SLC4A7: variants seen among roughly 807,000 people sequenced by gnomAD.
SLC4A7 encodes solute carrier family 4 member 7.
In SLC4A7, 51 loss-of-function variants were observed where a neutral mutation model predicts 137.6. That is an observed-to-expected ratio of 0.37 (90% CI 0.30 to 0.47). SLC4A7 has a LOEUF of 0.47. Among genes scored for constraint, SLC4A7 ranks in the 20% least tolerant of loss-of-function variants. The probability of loss-of-function intolerance (pLI) is 1.00; values close to 1 mark genes in which losing one functional copy is unlikely to be tolerated. For synonymous variants in SLC4A7, 542 were observed against 518.6 expected (o/e 1.05, Z -0.61); for missense variants, 1,247 against 1,525.4 (o/e 0.82, Z 3.04).
intron 1 of SLC4A7, among the ~76,000 whole-genome samples, chr3:27,459,965 TGTTA>T (rs2058602178): frequency 8.2e-6 from 1 of 121,404 alleles, no homozygotes; most frequent in African/African-American, 3.2e-5. Context: ...CACATCTCAG[TGTTA>T]TTTATATATA....
At chr3:27,473,037 G>A (rs549458664) in intron 1 of SLC4A7, among the ~76,000 whole-genome samples, 3 of 150,690 alleles carry the variant, frequency 2.0e-5, no homozygotes, top group Non-Finnish European at 2.9e-5. Flanking sequence ...TCCAGATCAC[G>A]CCACTGTACT....
chr3:27,375,707 C>A lies in SLC4A7; in HGVS notation c.*1057G>T, dbSNP rs2049856783. On this transcript the variant is annotated 3_prime_UTR_variant, in exon 26 of 26. Transcript: ENST00000454389. ...TTTATATAATATTTAAGCATCATATCAAAATAAATATTTTAAAATAAAATC... is the reference window on the plus strand; with the variant it reads ...TTTATATAATATTTAAGCATCATATAAAAATAAATATTTTAAAATAAAATC... The A allele has an allele frequency of 6.6e-6, 1 of 152,202 alleles. No individual in the cohort carries two copies. Among genetic ancestry groups the A allele is most frequent in the South Asian group, 2.1e-4 (1 of 4,828 alleles). 9.4% of individuals were successfully genotyped at this position (152,202 alleles called of 1,614,324 possible).
chr3:27,430,425 C>A (rs190643868), intron 7 of SLC4A7, among the ~76,000 whole-genome samples: 3 of 151,990 alleles, frequency 2.0e-5, no homozygotes, highest in Non-Finnish European at 4.4e-5. Flanking sequence ...GAGTTCAAGA[C>A]CAGCCTGGGC....
intron 2 of SLC4A7, among the ~76,000 whole-genome samples, chr3:27,450,986 T>C (rs1176905676): frequency 1.3e-5 from 2 of 152,094 alleles, no homozygotes; most frequent in Non-Finnish European, 2.9e-5. Context: ...ACATTAAATG[T>C]ATGACTGTAC....
At chr3:27,435,155 G>A (rs371472995) in intron 5 of SLC4A7, among the ~76,000 whole-genome samples, 1 of 152,162 alleles carries the variant, frequency 6.6e-6, no homozygotes, top group Non-Finnish European at 1.5e-5. Context: ...TGGTTCTCTT[G>A]AAGATTAAAT....
At chr3:27,383,458 T>C (rs2050634187) in intron 23 of SLC4A7, among the ~76,000 whole-genome samples, 1 of 148,994 alleles carries the variant, frequency 6.7e-6, no homozygotes, top group Non-Finnish European at 1.5e-5. Flanking sequence ...TTAACTTTCA[T>C]TTCTTTATGT....
At chr3:27,382,058 A>G (rs77135084) in intron 24 of SLC4A7, among the ~76,000 whole-genome samples, 1 of 152,186 alleles carries the variant, frequency 6.6e-6, no homozygotes, top group Non-Finnish European at 1.5e-5. Flanking sequence ...CAAGAATGAG[A>G]CTTCATCTCA....
intron 21 of SLC4A7, 135 bp from the exon 22 acceptor site, chr3:27,390,239 T>C: frequency 2.1e-6 from 1 of 475,866 alleles, no homozygotes; most frequent in South Asian, 4.5e-5. Flanking sequence ...TACAGGAGAA[T>C]GTTACAGCAA....
At chr3:27,400,653 A>C (rs2052655295) in intron 16 of SLC4A7, 111 bp downstream of exon 16, 2 of 643,530 alleles carry the variant, frequency 3.1e-6, no homozygotes, top group Admixed American at 2.9e-5. Flanking sequence ...CTACATTCTG[A>C]AAACATACTA....
intron 3 of SLC4A7, among the ~76,000 whole-genome samples, chr3:27,446,154 A>G (rs1193492487): frequency 6.6e-6 from 1 of 150,832 alleles, no homozygotes; most frequent in African/African-American, 2.4e-5. Context: ...ATCATACTGT[A>G]CACCTTAAAT....
intron 1 of SLC4A7, among the ~76,000 whole-genome samples, chr3:27,479,974 A>C (rs1175857086): frequency 1.3e-5 from 2 of 152,206 alleles, no homozygotes. Context: ...GGAAAAGAGG[A>C]AGAAAACACC....
chr3:27,388,876 C>T (rs2051245465), intron 22 of SLC4A7, among the ~76,000 whole-genome samples: 1 of 113,646 alleles, frequency 8.8e-6, no homozygotes, highest in Non-Finnish European at 2.4e-5. Flanking sequence ...ACCTATAAAG[C>T]CTAAAATGTT....
In SLC4A7 at chr3:27,394,981, A is replaced by G. The variant is rs1576173714; in HGVS notation, c.2838T>C (p.Ile946=). 3.8e-6 allele frequency: 6 copies of G among 1,598,278 alleles called. No individual in the cohort carries two copies. The highest frequency in any genetic ancestry group is 5.1e-6 in the Non-Finnish European group (6 of 1,176,028). Residue 946 remains isoleucine (I), a synonymous_variant, in exon 19 of 26, where the codon ATT becomes ATC. Transcript: ENST00000454389. ...IFMDQQITAV[I]INRKEHKLKK... ...TCAATTTGTGTTCCTTTCTGTTTATAATTACAGCTGTGATTTGTTGATCCA... is the reference window on the plus strand; with the variant it reads ...TCAATTTGTGTTCCTTTCTGTTTATGATTACAGCTGTGATTTGTTGATCCA...
At chr3:27,404,805 A>C in intron 14 of SLC4A7, 25 bp downstream of exon 14, 1 of 1,529,044 alleles carries the variant, frequency 6.5e-7, no homozygotes, top group Non-Finnish European at 8.9e-7. Context: ...AACACATGTG[A>C]TAAGTAGAGA....
intron 4 of SLC4A7, among the ~76,000 whole-genome samples, chr3:27,436,801 G>C (rs1017536471): frequency 3.9e-5 from 6 of 151,992 alleles, no homozygotes; most frequent in Admixed American, 2.0e-4. Context: ...ATTTCATATA[G>C]TTTCTACTTC....
At chr3:27,480,663 T>C (rs2059670684) in intron 1 of SLC4A7, among the ~76,000 whole-genome samples, 1 of 152,172 alleles carries the variant, frequency 6.6e-6, no homozygotes, top group African/African-American at 2.4e-5. Context: ...CAATACCTAG[T>C]ATCAATACGT....
Position 27,375,484 on chromosome 3 carries a change from A to G in SLC4A7, c.*1280T>C, listed in dbSNP as rs2149975497. ...GACTTTAAAAAGCTCAGAAAAGCAAAAACTAATACACAAAATAAAAATGTC... is the reference window on the plus strand; with the variant it reads ...GACTTTAAAAAGCTCAGAAAAGCAAGAACTAATACACAAAATAAAAATGTC... On this transcript the variant is annotated 3_prime_UTR_variant, in exon 26 of 26. Coordinates refer to ENST00000454389, the MANE Select transcript of SLC4A7 (RefSeq NM_001321103.2). 1 of 152,568 alleles carries G rather than the reference A, an allele frequency of 6.6e-6. No homozygotes were observed. Among genetic ancestry groups the G allele is most frequent in the Admixed American group, 6.5e-5 (1 of 15,292 alleles). The allele number at this position is 152,568 out of a possible 1,614,324, so 9.5% of individuals were successfully genotyped here.
intron 11 of SLC4A7, among the ~76,000 whole-genome samples, chr3:27,414,012 G>A (rs1225193078): frequency 6.6e-6 from 1 of 152,190 alleles, no homozygotes; most frequent in Non-Finnish European, 1.5e-5. Flanking sequence ...AGGCGTGGTG[G>A]CTCACACTTG....
At chr3:27,383,271 G>A (rs531820974) in intron 23 of SLC4A7, 21 bp from the exon 24 acceptor site, 7 of 1,494,384 alleles carry the variant, frequency 4.7e-6, no homozygotes, top group Admixed American at 1.7e-5. Flanking sequence ...CATGTGTGAA[G>A]AGGTTACTTT....
Sources: gnomAD v4.1 joint callset for allele counts (sites outside exome capture counted in the v4.1 genomes callset) on GRCh38, gnomAD v4.1.1 for gene constraint, MANE v1.5 for transcripts, NCBI Gene and HGNC (gene_info 2026-07-23, HGNC 2026-07-21) for gene names.